Variants in LPP observed in about 807,000 individuals in gnomAD.
The protein encoded by LPP is LIM domain containing preferred translocation partner in lipoma, also known as lipoma-preferred partner.
Under a neutral mutation model 60.4 loss-of-function variants are expected in LPP, and 38 were observed. The observed-to-expected ratio is 0.63, with a 90% CI of 0.49 to 0.83. The LOEUF is 0.83. Among genes scored for constraint, LPP ranks in the 40% least tolerant of loss-of-function variants. LPP has a pLI of 0.00. For missense variants in LPP, 902 were observed against 783.6 expected, an observed-to-expected ratio of 1.15 and a Z score of -1.80; for synonymous variants, 328 against 290.8, an observed-to-expected ratio of 1.13 and a Z score of -1.30.
At chr3:188,457,821 A>G (rs1365352900) in intron 4 of LPP, among the ~76,000 whole-genome samples, 2 of 151,674 alleles carry the variant, frequency 1.3e-5, no homozygotes, top group Admixed American at 1.3e-4. Flanking sequence ...AGGCAGGAGA[A>G]TCGCTTGAAC....
In LPP at chr3:188,535,534, C is replaced by T. The variant is rs567737389; in HGVS notation, c.429+10747C>T. Among the ~76,000 whole-genome samples, 3 of 152,200 alleles carry T rather than the reference C, an allele frequency of 2.0e-5. No homozygotes were observed. In the South Asian group the frequency reaches 6.2e-4, roughly 32 times the overall value. ...ATCTGTAATAGATATAGAGTTAGCACATGACAAAGTTATAGCTGCTTTGTG... is the reference window on the plus strand; with the variant it reads ...ATCTGTAATAGATATAGAGTTAGCATATGACAAAGTTATAGCTGCTTTGTG... On this transcript the variant is annotated intron_variant, in intron 6 of 11. Transcript: ENST00000617246.
intron 7 of LPP, among the ~76,000 whole-genome samples, chr3:188,660,765 C>T (rs1032208576): frequency 6.6e-6 from 1 of 152,140 alleles, no homozygotes; most frequent in Admixed American, 6.6e-5. Flanking sequence ...ACAAATCCCA[C>T]AAATGCATAT....
At chr3:188,585,309 C>T (rs1580177443) in intron 6 of LPP, among the ~76,000 whole-genome samples, 1 of 152,240 alleles carries the variant, frequency 6.6e-6, no homozygotes, top group East Asian at 1.9e-4. Flanking sequence ...TAACCCTCTC[C>T]CCTTTGTATT....
At chr3:188,800,535 A>T (rs55813567) in intron 9 of LPP, among the ~76,000 whole-genome samples, 1 of 151,970 alleles carries the variant, frequency 6.6e-6, no homozygotes, top group Non-Finnish European at 1.5e-5. Context: ...GTGAGCCACC[A>T]CACCCGGCCA....
At chr3:188,465,390 G>A (rs1398710161) in intron 4 of LPP, among the ~76,000 whole-genome samples, 1 of 152,138 alleles carries the variant, frequency 6.6e-6, no homozygotes, top group African/African-American at 2.4e-5. Flanking sequence ...TCCTAGTTAA[G>A]GCTGTGTGAA....
intron 2 of LPP, among the ~76,000 whole-genome samples, chr3:188,266,488 C>T (rs1037173248): frequency 3.4e-5 from 5 of 145,752 alleles, no homozygotes; most frequent in Middle Eastern, 3.4e-3. Context: ...AGAGAGAGAG[C>T]GCGAGAGAGA....
At chr3:188,753,978 C>A (rs1729211863) in intron 8 of LPP, among the ~76,000 whole-genome samples, 1 of 152,152 alleles carries the variant, frequency 6.6e-6, no homozygotes, top group Non-Finnish European at 1.5e-5. Context: ...CTTGTATTCA[C>A]AGAGCTAAAT....
chr3:188,222,942 A>G (rs143011685), intron 1 of LPP, among the ~76,000 whole-genome samples: 1 of 152,312 alleles, frequency 6.6e-6, no homozygotes, highest in Non-Finnish European at 1.5e-5. Flanking sequence ...GTGGAAAATC[A>G]AGTTTATCAG....
intron 2 of LPP, among the ~76,000 whole-genome samples, chr3:188,286,699 G>A (rs1439506279): frequency 3.9e-5 from 6 of 152,092 alleles, no homozygotes; most frequent in Non-Finnish European, 8.8e-5. Flanking sequence ...ACTTTATGAG[G>A]ATGGCTGGTA....
intron 5 of LPP, among the ~76,000 whole-genome samples, chr3:188,488,476 T>A (rs1807290424): frequency 6.6e-6 from 1 of 152,166 alleles, no homozygotes; most frequent in Non-Finnish European, 1.5e-5. Context: ...ACTTCAGCAA[T>A]CACTTTATTA....
chr3:188,434,773 G>A (rs1425384210), intron 4 of LPP, among the ~76,000 whole-genome samples: 2 of 152,164 alleles, frequency 1.3e-5, no homozygotes, highest in Non-Finnish European at 2.9e-5. Context: ...TCTGAGCCTG[G>A]GGTCAATGAT....
chr3:188,272,346 G>A (rs956030395), intron 2 of LPP, among the ~76,000 whole-genome samples: 13 of 152,118 alleles, frequency 8.5e-5, no homozygotes, highest in African/African-American at 9.7e-5. Context: ...TAAAAAGACC[G>A]TGCCATTATC....
intron 8 of LPP, among the ~76,000 whole-genome samples, chr3:188,742,691 T>C (rs1053641636): frequency 3.3e-5 from 5 of 152,066 alleles, no homozygotes; most frequent in African/African-American, 9.7e-5. Context: ...GACTGACAAA[T>C]AGGGAACTTT....
chr3:188,723,732 A>G (rs141874374), intron 8 of LPP, among the ~76,000 whole-genome samples: 1 of 152,322 alleles, frequency 6.6e-6, no homozygotes, highest in East Asian at 1.9e-4. Context: ...TTACACAAAT[A>G]AAGAGGCACT....
At chr3:188,805,386 C>G (rs928051294) in intron 9 of LPP, among the ~76,000 whole-genome samples, 15 of 152,044 alleles carry the variant, frequency 9.9e-5, no homozygotes, top group African/African-American at 3.4e-4. Flanking sequence ...GTTTGCATCT[C>G]TTAGAAAATT....
At position 188,240,706 on chromosome 3, in the gene LPP, A is replaced by G. The variant is rs533847299; in HGVS notation, c.-67+15179A>G. Among the ~76,000 whole-genome samples the G allele has an allele frequency of 7.2e-5, 11 of 152,260 alleles. No individual in the cohort carries two copies. The South Asian group carries it at 2.3e-3, about 32-fold the overall frequency. ...GCTGCTCAGGTGGGATAACACATCAACCTTCTTTGGGATTCTTCCCTCAGA... is the reference window on the plus strand; with the variant it reads ...GCTGCTCAGGTGGGATAACACATCAGCCTTCTTTGGGATTCTTCCCTCAGA... On this transcript the variant is annotated intron_variant, in intron 2 of 11. Coordinates refer to ENST00000617246, the MANE Select transcript of LPP (RefSeq NM_001375462.1).
intron 3 of LPP, among the ~76,000 whole-genome samples, chr3:188,361,571 C>G (rs1769408267): frequency 7.2e-6 from 1 of 138,474 alleles, no homozygotes; most frequent in South Asian, 2.4e-4. Context: ...CCTCTCCTCT[C>G]CTTTCATTTT....
chr3:188,247,355 G>C (rs1439726892), intron 2 of LPP: 6 of 158,640 alleles, frequency 3.8e-5, no homozygotes, highest in Non-Finnish European at 5.4e-5. Flanking sequence ...TTAAGAAATA[G>C]TTTTATACAC....
At chr3:188,796,224 G>A (rs1018135384) in intron 9 of LPP, among the ~76,000 whole-genome samples, 5 of 152,228 alleles carry the variant, frequency 3.3e-5, no homozygotes, top group South Asian at 2.1e-4. Flanking sequence ...GTTATGAGGA[G>A]TGAGTAGGAG....
Sources: gnomAD v4.1 joint callset for allele counts (sites outside exome capture counted in the v4.1 genomes callset) on GRCh38, gnomAD v4.1.1 for gene constraint, MANE v1.5 for transcripts, NCBI Gene and HGNC (gene_info 2026-07-23, HGNC 2026-07-21) for gene names.